B3GALT1: variants seen among roughly 807,000 people sequenced by gnomAD.
B3GALT1 encodes the protein beta-1,3-galactosyltransferase 1.
In B3GALT1, 10 loss-of-function variants were observed where a neutral mutation model predicts 23.2. That is an observed-to-expected ratio of 0.43 (90% CI 0.27 to 0.73). The LOEUF (loss-of-function observed/expected upper bound fraction) is 0.73, where lower values mean the gene tolerates loss of function less well. Among genes scored for constraint, B3GALT1 ranks in the 30% least tolerant of loss-of-function variants. The probability of loss-of-function intolerance (pLI) is 0.21; values close to 1 mark genes in which losing one functional copy is unlikely to be tolerated. For synonymous variants in B3GALT1, 156 were observed against 141.5 expected (o/e 1.10, Z -0.73); for missense variants, 299 against 405.4 (o/e 0.74, Z 2.25).
At chr2:167,314,115 GA>G (rs2105488249) in intron 1 of B3GALT1, among the ~76,000 whole-genome samples, 1 of 152,120 alleles carries the variant, frequency 6.6e-6, no homozygotes, top group South Asian at 2.1e-4. Context: ...GCTTAGCAGT[GA>G]ACATTTTCAA....
Position 167,329,474 on chromosome 2 carries a change from A to G in B3GALT1, c.-511+36140A>G, listed in dbSNP as rs1696941309. ...AGAGTGTGTATTCTGCAGTTGTTAGACAAAATGTTCTGTAAATGTCTGTTA... is the reference window on the plus strand; with the variant it reads ...AGAGTGTGTATTCTGCAGTTGTTAGGCAAAATGTTCTGTAAATGTCTGTTA... On this transcript the variant is annotated intron_variant, in intron 1 of 4. Coordinates refer to ENST00000392690, the MANE Select transcript of B3GALT1 (RefSeq NM_020981.4). 5.3e-5 allele frequency among the ~76,000 whole-genome samples: 8 copies of G among 152,320 alleles called. No individual in the cohort carries two copies. In the South Asian group the frequency reaches 1.7e-3, roughly 32 times the overall value.
At chr2:167,623,095 C>T (rs1232544786) in intron 2 of B3GALT1, among the ~76,000 whole-genome samples, 3 of 152,070 alleles carry the variant, frequency 2.0e-5, no homozygotes, top group Admixed American at 1.3e-4. Context: ...GTTAGAATGG[C>T]GATCATTGAA....
chr2:167,731,124 T>G (rs1687403039), intron 3 of B3GALT1, among the ~76,000 whole-genome samples: 1 of 152,188 alleles, frequency 6.6e-6, no homozygotes, highest in South Asian at 2.1e-4. Context: ...GAGTTCTGGT[T>G]CTGTAACCAG....
rs772351631 is a variant in B3GALT1 at position 167,628,516 on chromosome 2, G to A, written c.-409-18393G>A. ...TGAAGATGAACCTACCTGGCCTCCC[G>A]GCTTCACCTTGATCCTCAGCCACCA... On this transcript the variant is annotated intron_variant, in intron 2 of 4. Coordinates refer to ENST00000392690, the MANE Select transcript of B3GALT1 (RefSeq NM_020981.4). Among the ~76,000 whole-genome samples the A allele has an allele frequency of 2.6e-5, 4 of 151,672 alleles. No homozygotes were observed. In the South Asian group the frequency reaches 6.2e-4, roughly 24 times the overall value.
intron 4 of B3GALT1, among the ~76,000 whole-genome samples, chr2:167,830,350 G>C (rs935156714): frequency 1.3e-5 from 2 of 151,272 alleles, no homozygotes; most frequent in Non-Finnish European, 2.9e-5. Flanking sequence ...GCGGGAACAG[G>C]GCAGGGTAGG....
chr2:167,839,716 G>T (rs1002620955), intron 4 of B3GALT1, among the ~76,000 whole-genome samples: 12 of 152,178 alleles, frequency 7.9e-5, no homozygotes, highest in African/African-American at 2.4e-4. Context: ...AGCCCGCCTT[G>T]TCAAGTCAAT....
intron 1 of B3GALT1, among the ~76,000 whole-genome samples, chr2:167,316,110 A>G (rs1696713693): frequency 6.6e-6 from 1 of 150,808 alleles, no homozygotes; most frequent in African/African-American, 2.4e-5. Flanking sequence ...GAGAACTGAT[A>G]GAGATAGAGG....
At chr2:167,660,492 T>A (rs1686037150) in intron 3 of B3GALT1, among the ~76,000 whole-genome samples, 1 of 152,128 alleles carries the variant, frequency 6.6e-6, no homozygotes, top group African/African-American at 2.4e-5. Context: ...TCTATTATTG[T>A]AATTTGGCTT....
At chr2:167,296,185 AC>A (rs771829853) in intron 1 of B3GALT1, among the ~76,000 whole-genome samples, 3 of 152,238 alleles carry the variant, frequency 2.0e-5, no homozygotes, top group Non-Finnish European at 4.4e-5. Flanking sequence ...CTTGACTTGT[AC>A]AAAATTTTAA....
chr2:167,557,563 G>A (rs1276825130), intron 2 of B3GALT1, among the ~76,000 whole-genome samples: 1 of 152,142 alleles, frequency 6.6e-6, no homozygotes, highest in East Asian at 1.9e-4. Context: ...GCTCTTTGGA[G>A]GTCAGAATGT....
At chr2:167,385,356 T>C (rs1249915714) in intron 1 of B3GALT1, among the ~76,000 whole-genome samples, 1 of 152,202 alleles carries the variant, frequency 6.6e-6, no homozygotes, top group Non-Finnish European at 1.5e-5. Flanking sequence ...AATAGCACTT[T>C]AGTGTAACTG....
chr2:167,446,336 T>G (rs891548408), intron 1 of B3GALT1, among the ~76,000 whole-genome samples: 1 of 152,196 alleles, frequency 6.6e-6, no homozygotes, highest in Admixed American at 6.5e-5. Context: ...CTGACAATTA[T>G]GTGTCTTGGA....
chr2:167,643,112 C>A (rs192224774), intron 2 of B3GALT1, among the ~76,000 whole-genome samples: 84 of 152,176 alleles, frequency 5.5e-4, no homozygotes, highest in African/African-American at 1.9e-3. Context: ...GAAGATAATT[C>A]TTCATATAAG....
intron 4 of B3GALT1, among the ~76,000 whole-genome samples, chr2:167,828,630 C>A (rs1422521143): frequency 6.6e-6 from 1 of 152,194 alleles, no homozygotes; most frequent in Non-Finnish European, 1.5e-5. Context: ...CAAGGACAAA[C>A]CTGAATGTGC....
At chr2:167,637,694 C>T (rs1685582855) in intron 2 of B3GALT1, among the ~76,000 whole-genome samples, 1 of 151,942 alleles carries the variant, frequency 6.6e-6, no homozygotes. Flanking sequence ...ACTGCCATTC[C>T]ACCCTCTGCC....
Position 167,522,591 on chromosome 2 carries a change from A to G in B3GALT1, c.-410+32314A>G, listed in dbSNP as rs372688760. ...TTAATTAGAAGAAAGATGTCTTCCA[A>G]TGTTGGTTGTGTATTTAATTCACAA... On this transcript the variant is annotated intron_variant, in intron 2 of 4. Coordinates refer to ENST00000392690, the MANE Select transcript of B3GALT1 (RefSeq NM_020981.4). 3.4e-4 allele frequency among the ~76,000 whole-genome samples: 51 copies of G among 152,206 alleles called. 1 individual carries two copies. The East Asian group carries it at 8.1e-3, about 24-fold the overall frequency.
chr2:167,491,853 A>T lies in B3GALT1; in HGVS notation c.-410+1576A>T, dbSNP rs1699715030. ...GTGATTTTATGTTTTCAGAAAAATT[A>T]ATTGGAAAGTACACAGAGAGCTTCC... On this transcript the variant is annotated intron_variant, in intron 2 of 4. Transcript: ENST00000392690. Among the ~76,000 whole-genome samples the T allele has an allele frequency of 2.0e-5, 3 of 152,222 alleles. No individual in the cohort carries two copies. The South Asian group carries it at 6.2e-4, about 32-fold the overall frequency.
intron 1 of B3GALT1, among the ~76,000 whole-genome samples, chr2:167,358,036 T>C (rs1045950679): frequency 3.9e-5 from 6 of 152,230 alleles, no homozygotes. Flanking sequence ...TGCCTGTTTA[T>C]AAAAAGCCCA....
chr2:167,313,692 G>T (rs1442179440), intron 1 of B3GALT1, among the ~76,000 whole-genome samples: 1 of 152,106 alleles, frequency 6.6e-6, no homozygotes, highest in Non-Finnish European at 1.5e-5. Context: ...CTGTCTATCA[G>T]TGCAAGGTGG....
Sources: gnomAD v4.1 joint callset for allele counts (sites outside exome capture counted in the v4.1 genomes callset) on GRCh38, gnomAD v4.1.1 for gene constraint, MANE v1.5 for transcripts, NCBI Gene and HGNC (gene_info 2026-07-23, HGNC 2026-07-21) for gene names.